Variants in DPYD observed in about 807,000 individuals in gnomAD.
DPYD encodes dihydropyrimidine dehydrogenase [NADP(+)].
A neutral mutation model predicts 116.2 loss-of-function variants in DPYD; 109 were observed. The observed-to-expected ratio is 0.94, with a 90% CI of 0.80 to 1.10. DPYD has a LOEUF of 1.10. Among genes scored for constraint, DPYD ranks in the 50% least tolerant of loss-of-function variants. The pLI is 0.00. For synonymous variants in DPYD, 440 were observed against 432.0 expected, an observed-to-expected ratio of 1.02 and a Z score of -0.23; for missense variants, 1,302 against 1,254.5, an observed-to-expected ratio of 1.04 and a Z score of -0.57.
At chr1:97,475,797 G>C (rs1043288122) in intron 13 of DPYD, among the ~76,000 whole-genome samples, 1 of 152,146 alleles carries the variant, frequency 6.6e-6, no homozygotes, top group Non-Finnish European at 1.5e-5. Context: ...TCAGAGATGT[G>C]AAAGACTTGA....
intron 8 of DPYD, among the ~76,000 whole-genome samples, chr1:97,627,216 C>T (rs1656985221): frequency 6.6e-6 from 1 of 152,064 alleles, no homozygotes; most frequent in African/African-American, 2.4e-5. Context: ...CAGTCCATAA[C>T]ACAAGGTAAA....
In DPYD at chr1:97,828,096, A is replaced by G; in HGVS notation, c.233+18T>C. Reference sequence around the variant, plus strand: ...CTTTACCACATCTGTGACTGTTGCTATGGTGACCCAGACTTACCTCATTGC... The same window carrying G: ...CTTTACCACATCTGTGACTGTTGCTGTGGTGACCCAGACTTACCTCATTGC... On this transcript the variant is annotated intron_variant, in intron 3 of 22. Coordinates refer to ENST00000370192, the MANE Select transcript of DPYD (RefSeq NM_000110.4). 6.2e-7 allele frequency: 1 copy of G among 1,611,214 alleles called. No homozygotes were observed.
At chr1:97,400,763 G>A (rs944399782) in intron 14 of DPYD, among the ~76,000 whole-genome samples, 2 of 152,096 alleles carry the variant, frequency 1.3e-5, no homozygotes, top group African/African-American at 4.8e-5. Flanking sequence ...TTCTCTGATG[G>A]TAGTTTGTAT....
chr1:97,136,805 A>G (rs1289242767), intron 20 of DPYD, among the ~76,000 whole-genome samples: 1 of 152,200 alleles, frequency 6.6e-6, no homozygotes, highest in East Asian at 1.9e-4. Context: ...TGACAAGAAG[A>G]AAGAACTTCT....
At chr1:97,584,565 T>G (rs1240494826) in intron 10 of DPYD, among the ~76,000 whole-genome samples, 1 of 152,042 alleles carries the variant, frequency 6.6e-6, no homozygotes, top group Non-Finnish European at 1.5e-5. Context: ...AAGTCTTTAA[T>G]CCATCTTGAA....
chr1:97,543,813 A>G (rs1170851911), intron 12 of DPYD, among the ~76,000 whole-genome samples: 1 of 152,200 alleles, frequency 6.6e-6, no homozygotes, highest in African/African-American at 2.4e-5. Flanking sequence ...ACAGCAATAC[A>G]TAAACATGGT....
chr1:97,604,322 T>G (rs1655446529), intron 8 of DPYD, among the ~76,000 whole-genome samples: 1 of 152,128 alleles, frequency 6.6e-6, no homozygotes, highest in Non-Finnish European at 1.5e-5. Context: ...CTTATAGAAC[T>G]GTTATGTGGA....
intron 3 of DPYD, among the ~76,000 whole-genome samples, chr1:97,787,520 TAGGC>T (rs1165956021): frequency 6.6e-6 from 1 of 152,170 alleles, no homozygotes; most frequent in Non-Finnish European, 1.5e-5. Flanking sequence ...AACTTACCGT[TAGGC>T]AGAGAAGTAG....
chr1:97,764,030 T>C (rs1163438692), intron 3 of DPYD, among the ~76,000 whole-genome samples: 3 of 151,966 alleles, frequency 2.0e-5, no homozygotes, highest in Admixed American at 6.6e-5. Flanking sequence ...CAAAAAATAA[T>C]AACACTGCTG....
At chr1:97,240,125 C>T (rs1662230404) in intron 18 of DPYD, among the ~76,000 whole-genome samples, 2 of 151,982 alleles carry the variant, frequency 1.3e-5, no homozygotes, top group South Asian at 4.1e-4. Context: ...ATACATGTCC[C>T]CTCCTTTTTC....
At chr1:97,665,438 T>C (rs1659505587) in intron 8 of DPYD, among the ~76,000 whole-genome samples, 1 of 152,170 alleles carries the variant, frequency 6.6e-6, no homozygotes, top group African/African-American at 2.4e-5. Context: ...TCTTTTTGTG[T>C]TTTTCTAAGT....
chr1:97,176,930 A>C (rs1454870829), intron 20 of DPYD, among the ~76,000 whole-genome samples: 1 of 146,880 alleles, frequency 6.8e-6, no homozygotes, highest in African/African-American at 2.5e-5. Flanking sequence ...AACTCTAAGA[A>C]GTTTCTCTTC....
intron 15 of DPYD, among the ~76,000 whole-genome samples, chr1:97,380,406 C>T (rs1324846758): frequency 6.6e-6 from 1 of 152,164 alleles, no homozygotes; most frequent in African/African-American, 2.4e-5. Flanking sequence ...GTAGAAACTT[C>T]TTTGTGGTGC....
chr1:97,118,830 CTTGTTTGT>C (rs67677044), intron 20 of DPYD, among the ~76,000 whole-genome samples: 3 of 151,762 alleles, frequency 2.0e-5, no homozygotes, highest in Non-Finnish European at 2.9e-5. Flanking sequence ...TTTCAAAAAA[CTTGTTTGT>C]TTGTCTTTAA....
chr1:97,714,655 C>CAAAAAA (rs1193831747), intron 5 of DPYD, among the ~76,000 whole-genome samples: 3 of 49,928 alleles, frequency 6.0e-5, no homozygotes, highest in Non-Finnish European at 1.3e-4. Flanking sequence ...AAAGAAAAGA[C>CAAAAAA]AAAAAAAAAA....
At chr1:97,247,648 G>C (rs1662807704) in intron 18 of DPYD, among the ~76,000 whole-genome samples, 1 of 152,114 alleles carries the variant, frequency 6.6e-6, no homozygotes. Context: ...ACAGTGACAA[G>C]CACATAGTAA....
intron 3 of DPYD, among the ~76,000 whole-genome samples, chr1:97,808,316 T>C (rs894191763): frequency 2.1e-4 from 32 of 152,308 alleles, no homozygotes; most frequent in Admixed American, 4.6e-4. Context: ...TTTCCTCATA[T>C]AGATTTTGTA....
intron 20 of DPYD, among the ~76,000 whole-genome samples, chr1:97,163,394 A>T (rs1656073157): frequency 6.6e-6 from 1 of 152,212 alleles, no homozygotes; most frequent in Non-Finnish European, 1.5e-5. Flanking sequence ...ATGGAAAGAA[A>T]ACAATCTACT....
At chr1:97,274,765 C>G (rs1664829631) in intron 18 of DPYD, among the ~76,000 whole-genome samples, 1 of 152,020 alleles carries the variant, frequency 6.6e-6, no homozygotes, top group Non-Finnish European at 1.5e-5. Context: ...GGAAGTTGCT[C>G]CAGGTTGTCA....
Sources: gnomAD v4.1 joint callset for allele counts (sites outside exome capture counted in the v4.1 genomes callset) on GRCh38, gnomAD v4.1.1 for gene constraint, MANE v1.5 for transcripts, NCBI Gene and HGNC (gene_info 2026-07-23, HGNC 2026-07-21) for gene names.